MAST2: variants seen among roughly 807,000 people sequenced by gnomAD.
The protein encoded by MAST2 is microtubule-associated serine/threonine-protein kinase 2.
In MAST2, 70 loss-of-function variants were observed where a neutral mutation model predicts 147.4. That is an observed-to-expected ratio of 0.47 (90% confidence interval 0.39 to 0.58). The LOEUF (loss-of-function observed/expected upper bound fraction) is 0.58. Ranked by LOEUF, MAST2 falls within the 20% of genes least tolerant of loss-of-function variation. The probability of loss-of-function intolerance (pLI) is 0.00; values close to 1 mark genes in which losing one functional copy is unlikely to be tolerated. For missense variants in MAST2, 2,080 were observed against 2,302.3 expected, an observed-to-expected ratio of 0.90 and a Z score of 1.98; for synonymous variants, 869 against 896.8, an observed-to-expected ratio of 0.97 and a Z score of 0.55.
At chr1:45,895,276 T>C (rs1179208314) in intron 4 of MAST2, among the ~76,000 whole-genome samples, 2 of 152,236 alleles carry the variant, frequency 1.3e-5, no homozygotes, top group Non-Finnish European at 2.9e-5. Flanking sequence ...ATATTATGAA[T>C]AAAGCTGCTA....
chr1:45,836,406 A>G (rs1239057670), intron 3 of MAST2, among the ~76,000 whole-genome samples: 1 of 152,140 alleles, frequency 6.6e-6, no homozygotes, highest in African/African-American at 2.4e-5. Context: ...AAACTCCAAG[A>G]CTTTTCTTAG....
intron 4 of MAST2, among the ~76,000 whole-genome samples, chr1:45,907,329 G>C (rs1479670403): frequency 6.6e-6 from 1 of 152,012 alleles, no homozygotes; most frequent in Non-Finnish European, 1.5e-5. Context: ...AGATCATGAA[G>C]ATTTTCTCCA....
At chr1:45,977,349 G>T (rs956919348) in intron 5 of MAST2, among the ~76,000 whole-genome samples, 1 of 151,770 alleles carries the variant, frequency 6.6e-6, no homozygotes, top group Admixed American at 6.6e-5. Flanking sequence ...TTAGCCAGGC[G>T]TGCTGGCGGG....
At chr1:45,923,628 G>A (rs1252493448) in intron 4 of MAST2, among the ~76,000 whole-genome samples, 1 of 152,098 alleles carries the variant, frequency 6.6e-6, no homozygotes, top group Non-Finnish European at 1.5e-5. Flanking sequence ...TAGAAACCTG[G>A]GTAGTCTGGC....
chr1:45,811,279 G>A (rs1259948185), intron 1 of MAST2, among the ~76,000 whole-genome samples: 1 of 149,582 alleles, frequency 6.7e-6, no homozygotes, highest in African/African-American at 2.5e-5. Flanking sequence ...CAATTCTCCT[G>A]CCTCAGCCTC....
chr1:45,975,491 TCTC>T, intron 5 of MAST2, among the ~76,000 whole-genome samples: 1 of 45,830 alleles, frequency 2.2e-5, no homozygotes, highest in African/African-American at 1.1e-4. Flanking sequence ...AGTCCCTGTC[TCTC>T]CAAAAAAAAA....
At chr1:45,818,805 C>G (rs551390350) in intron 1 of MAST2, among the ~76,000 whole-genome samples, 1 of 152,258 alleles carries the variant, frequency 6.6e-6, no homozygotes, top group Admixed American at 6.5e-5. Context: ...GCTTTACGAC[C>G]CATTTTGAAC....
chr1:46,011,513 C>T (rs936107859), intron 10 of MAST2, among the ~76,000 whole-genome samples: 20 of 152,342 alleles, frequency 1.3e-4, no homozygotes, highest in African/African-American at 4.6e-4. Flanking sequence ...CATGAGAGTT[C>T]TTAAGCACTG....
Position 45,976,999 on chromosome 1 carries a change from G to A in MAST2, c.592+17522G>A, listed in dbSNP as rs182903433. Among the ~76,000 whole-genome samples the A allele has an allele frequency of 4.6e-4, 70 of 152,318 alleles. No homozygotes were observed. The South Asian group carries it at 1.0e-2, about 22-fold the overall frequency. On this transcript the variant is annotated intron_variant, in intron 5 of 28. Coordinates refer to ENST00000361297, the MANE Select transcript of MAST2 (RefSeq NM_015112.3). ...GAGCTGTAGGCAAAATCCATTGGAT[G>A]TTTGTATAGAGAAATTGGAAAACGT... is the stretch of plus-strand genomic sequence containing the variant.
chr1:45,874,644 G>A (rs1646525808), intron 3 of MAST2, among the ~76,000 whole-genome samples: 1 of 152,120 alleles, frequency 6.6e-6, no homozygotes, highest in African/African-American at 2.4e-5. Flanking sequence ...CTTACTTGAT[G>A]GATTCATAGA....
intron 4 of MAST2, among the ~76,000 whole-genome samples, chr1:45,917,154 TTAAG>T (rs1652670512): frequency 6.6e-6 from 1 of 152,240 alleles, no homozygotes; most frequent in African/African-American, 2.4e-5. Context: ...ATTTTATGGA[TTAAG>T]TTTTTGTCTC....
At chr1:45,849,105 A>G (rs1034141274) in intron 3 of MAST2, among the ~76,000 whole-genome samples, 1 of 152,156 alleles carries the variant, frequency 6.6e-6, no homozygotes, top group Non-Finnish European at 1.5e-5. Flanking sequence ...ATGAAAAAAC[A>G]CACCATGCTC....
chr1:45,998,872 C>T (rs1291843005), intron 6 of MAST2, among the ~76,000 whole-genome samples: 3 of 152,000 alleles, frequency 2.0e-5, no homozygotes, highest in South Asian at 4.2e-4. Context: ...GGACTACAGG[C>T]GCCCGCCATC....
chr1:45,913,010 C>T (rs914301254), intron 4 of MAST2, among the ~76,000 whole-genome samples: 7 of 152,158 alleles, frequency 4.6e-5, no homozygotes, highest in Admixed American at 6.5e-5. Context: ...TAGAGGTCTT[C>T]TGCAACTTAC....
In MAST2 at chr1:46,025,732, G is replaced by A. The variant is rs371393337; in HGVS notation, c.1836G>A (p.Val612=). ...KNIGALPVDM[V]RLYFAETVLA... ...TTGGGGCCCTGCCTGTGGACATGGT[G>A]CGTCTATACTTTGCGGAAACTGTGC... The change falls in exon 16 of 29, where the codon GTG becomes GTA. Residue 612 remains valine (V), a synonymous_variant. Transcript: ENST00000361297. 9.2e-5 allele frequency: 148 copies of A among 1,614,098 alleles called. No individual in the cohort carries two copies. The highest frequency in any genetic ancestry group is 1.2e-4 in the Non-Finnish European group (144 of 1,180,052).
intron 5 of MAST2, among the ~76,000 whole-genome samples, chr1:45,976,165 C>T (rs1013869543): frequency 2.0e-5 from 3 of 151,890 alleles, no homozygotes; most frequent in South Asian, 4.1e-4. Context: ...TTAGTAGAGA[C>T]GGGGTATCAC....
chr1:45,888,987 T>C (rs1375865094), intron 4 of MAST2, among the ~76,000 whole-genome samples: 3 of 152,026 alleles, frequency 2.0e-5, no homozygotes, highest in Non-Finnish European at 2.9e-5. Context: ...GTGTTCTCTC[T>C]TTCTTTATAC....
At chr1:45,984,610 A>AT (rs1360667493) in intron 5 of MAST2, among the ~76,000 whole-genome samples, 4 of 152,152 alleles carry the variant, frequency 2.6e-5, no homozygotes, top group South Asian at 2.1e-4. Flanking sequence ...CCCCTGGCCT[A>AT]TTTTTTATCT....
chr1:45,805,089 G>T lies in MAST2; in HGVS notation c.177+1017G>T, dbSNP rs369270597. ...TTTTGAGACGAAGTCTCGCTCTGTCGCCCAGGGGAGAGTGCAGTGGCATTA... is the reference window on the plus strand; with the variant it reads ...TTTTGAGACGAAGTCTCGCTCTGTCTCCCAGGGGAGAGTGCAGTGGCATTA... On this transcript the variant is annotated intron_variant, in intron 1 of 28. Coordinates refer to ENST00000361297, the MANE Select transcript of MAST2 (RefSeq NM_015112.3). Among the ~76,000 whole-genome samples the T allele has an allele frequency of 3.6e-5, 5 of 140,816 alleles. No individual in the cohort carries two copies. The South Asian group carries it at 8.7e-4, about 25-fold the overall frequency. 92.4% of individuals were successfully genotyped at this position (140,816 alleles called of 152,430 possible). A position where few individuals can be genotyped will look rare whatever the true frequency, so the allele number is the denominator to read the frequency against.
Sources: gnomAD v4.1 joint callset for allele counts (sites outside exome capture counted in the v4.1 genomes callset) on GRCh38, gnomAD v4.1.1 for gene constraint, MANE v1.5 for transcripts, NCBI Gene and HGNC (gene_info 2026-07-23, HGNC 2026-07-21) for gene names.